The following NALF1 variants were observed in gnomAD, a reference collection of about 807,000 sequenced individuals.
NALF1 encodes NALCN channel auxiliary factor 1.
A neutral mutation model predicts 48.4 loss-of-function variants in NALF1; 3 were observed. The observed-to-expected ratio is 0.06, with a 90% CI of 0.03 to 0.16. NALF1 has a LOEUF of 0.16. NALF1 is among the 10% of genes least tolerant of loss of function. The pLI, the probability that NALF1 is intolerant of heterozygous loss-of-function variation, is 1.00. For synonymous variants in NALF1, 262 were observed against 245.7 expected, an observed-to-expected ratio of 1.07 and a Z score of -0.62; for missense variants, 526 against 571.5, an observed-to-expected ratio of 0.92 and a Z score of 0.81.
Position 107,447,275 on chromosome 13 carries a change from G to A in NALF1, c.916-236520C>T, listed in dbSNP as rs552027796. Reference sequence around the variant, plus strand: ...TTTTTGTTTATTTGTATTTATCTCAGCAAGATCACTCGATAATCTGGCTGA... The same window carrying A: ...TTTTTGTTTATTTGTATTTATCTCAACAAGATCACTCGATAATCTGGCTGA... On this transcript the variant is annotated intron_variant, in intron 1 of 2. Transcript: ENST00000375915. Among the ~76,000 whole-genome samples the A allele has an allele frequency of 4.0e-5, 6 of 151,526 alleles. No individual in the cohort carries two copies. The East Asian group carries it at 1.2e-3, about 30-fold the overall frequency.
chr13:107,403,722 T>A (rs1173726661), intron 1 of NALF1, among the ~76,000 whole-genome samples: 1 of 150,506 alleles, frequency 6.6e-6, no homozygotes, highest in Non-Finnish European at 1.5e-5. Flanking sequence ...GCCACAAATT[T>A]TAAAAAAAAA....
intron 1 of NALF1, among the ~76,000 whole-genome samples, chr13:107,387,426 T>C (rs1052071443): frequency 6.6e-6 from 1 of 152,134 alleles, no homozygotes; most frequent in Non-Finnish European, 1.5e-5. Context: ...CTTACCTTCA[T>C]GCATTTAACG....
intron 1 of NALF1, among the ~76,000 whole-genome samples, chr13:107,772,983 G>T (rs898000422): frequency 2.6e-5 from 4 of 151,778 alleles, no homozygotes; most frequent in African/African-American, 7.3e-5. Context: ...TGAAAAGAGG[G>T]TTTTTTTTAC....
chr13:107,450,310 G>T (rs1884718202), intron 1 of NALF1, among the ~76,000 whole-genome samples: 1 of 152,160 alleles, frequency 6.6e-6, no homozygotes, highest in South Asian at 2.1e-4. Flanking sequence ...AAACAAGAAA[G>T]TGCCCATCAT....
Position 107,447,033 on chromosome 13 carries a change from A to G in NALF1, c.916-236278T>C, listed in dbSNP as rs928057615. Among the ~76,000 whole-genome samples, 3 of 152,336 alleles carry G rather than the reference A, an allele frequency of 2.0e-5. No individual in the cohort carries two copies. The East Asian group carries it at 5.8e-4, about 29-fold the overall frequency. ...AAATAAATATTTGTCTGATGAACAA[A>G]TGAAGTACCGTATTGGGATTTGCAT... On this transcript the variant is annotated intron_variant, in intron 1 of 2. Transcript: ENST00000375915.
rs77172955 is a variant in NALF1, at chr13:107,713,265, A to G, written c.915+152417T>C. Among the ~76,000 whole-genome samples, 905 of 152,346 alleles carry G rather than the reference A, an allele frequency of 5.9e-3. 4 individuals are homozygous for G. Among genetic ancestry groups the G allele is most frequent in the Non-Finnish European group, 7.9e-3 (540 of 68,032 alleles). ...TCCTCTGCAGGAAATGAACACAAAC[A>G]AATGGTTTTTAGTCTTTCAGAACAC... On this transcript the variant is annotated intron_variant, in intron 1 of 2. Coordinates refer to ENST00000375915, the MANE Select transcript of NALF1 (RefSeq NM_001080396.3).
At chr13:107,742,465 G>A (rs113609859) in intron 1 of NALF1, among the ~76,000 whole-genome samples, 1 of 152,310 alleles carries the variant, frequency 6.6e-6, no homozygotes, top group Middle Eastern at 3.4e-3. Context: ...TCCTGAGTGA[G>A]TTCTCACAAG....
intron 1 of NALF1, among the ~76,000 whole-genome samples, chr13:107,310,985 T>C (rs919714539): frequency 6.6e-6 from 1 of 152,082 alleles, no homozygotes; most frequent in African/African-American, 2.4e-5. Context: ...AGGCCATATA[T>C]GAGTGAAAAG....
chr13:107,268,838 G>T (rs1364298266), intron 1 of NALF1, among the ~76,000 whole-genome samples: 1 of 152,182 alleles, frequency 6.6e-6, no homozygotes, highest in Non-Finnish European at 1.5e-5. Context: ...GAGAACAACA[G>T]GGTAGTCAAG....
In NALF1 at chr13:107,360,706, C is replaced by T. The variant is rs115133264; in HGVS notation, c.916-149951G>A. Among the ~76,000 whole-genome samples the T allele has an allele frequency of 5.9e-3, 899 of 152,144 alleles. 11 individuals carry two copies. Among genetic ancestry groups the T allele is most frequent in the African/African-American group, 0.02 (841 of 41,516 alleles). Reference sequence around the variant, plus strand: ...ATAATTCTCACCTGAGTATCATTGTCACAAATGTAAATTAAATACCTCAAT... The same window carrying T: ...ATAATTCTCACCTGAGTATCATTGTTACAAATGTAAATTAAATACCTCAAT... On this transcript the variant is annotated intron_variant, in intron 1 of 2. Coordinates refer to ENST00000375915, the MANE Select transcript of NALF1 (RefSeq NM_001080396.3).
intron 1 of NALF1, among the ~76,000 whole-genome samples, chr13:107,369,404 G>T (rs1883209710): frequency 6.6e-6 from 1 of 151,908 alleles, no homozygotes; most frequent in African/African-American, 2.4e-5. Flanking sequence ...ACATTTAACT[G>T]GTGTATATCT....
intron 1 of NALF1, among the ~76,000 whole-genome samples, chr13:107,465,351 T>C (rs1884984619): frequency 6.6e-6 from 1 of 151,820 alleles, no homozygotes; most frequent in Non-Finnish European, 1.5e-5. Flanking sequence ...TTGTTTACTT[T>C]TTTGCCTAGC....
intron 1 of NALF1, among the ~76,000 whole-genome samples, chr13:107,798,209 G>T (rs1878493058): frequency 6.6e-6 from 1 of 152,128 alleles, no homozygotes; most frequent in South Asian, 2.1e-4. Flanking sequence ...ATGGTTGATT[G>T]CAGCCAATTT....
chr13:107,454,766 G>C (rs1884797968), intron 1 of NALF1, among the ~76,000 whole-genome samples: 1 of 152,120 alleles, frequency 6.6e-6, no homozygotes, highest in Admixed American at 6.5e-5. Context: ...CAGCTGCATA[G>C]CACCCTTCTG....
At chr13:107,295,591 G>T (rs2138887009) in intron 1 of NALF1, among the ~76,000 whole-genome samples, 1 of 152,188 alleles carries the variant, frequency 6.6e-6, no homozygotes, top group Non-Finnish European at 1.5e-5. Flanking sequence ...AGCTGGCATG[G>T]CTCTCATGCT....
At chr13:107,394,118 A>G (rs1458855573) in intron 1 of NALF1, among the ~76,000 whole-genome samples, 1 of 152,162 alleles carries the variant, frequency 6.6e-6, no homozygotes, top group Non-Finnish European at 1.5e-5. Flanking sequence ...GCACTTTAGT[A>G]TATTGTATCA....
intron 1 of NALF1, among the ~76,000 whole-genome samples, chr13:107,801,664 T>C (rs1000931220): frequency 6.6e-6 from 1 of 152,194 alleles, no homozygotes. Flanking sequence ...GTGCCCTATA[T>C]TGCTGACATA....
intron 1 of NALF1, among the ~76,000 whole-genome samples, chr13:107,809,086 G>T (rs1878905686): frequency 6.6e-6 from 1 of 152,012 alleles, no homozygotes; most frequent in Non-Finnish European, 1.5e-5. Flanking sequence ...CTTTGACTCA[G>T]GGAAGCAGAT....
intron 1 of NALF1, among the ~76,000 whole-genome samples, chr13:107,851,967 C>T (rs376387185): frequency 6.6e-5 from 10 of 150,482 alleles, no homozygotes; most frequent in Non-Finnish European, 1.0e-4. Flanking sequence ...CCACCATGCC[C>T]GGCTATTTTT....
Sources: gnomAD v4.1 joint callset for allele counts (sites outside exome capture counted in the v4.1 genomes callset) on GRCh38, gnomAD v4.1.1 for gene constraint, MANE v1.5 for transcripts, NCBI Gene and HGNC (gene_info 2026-07-23, HGNC 2026-07-21) for gene names.